The following SIAH2 variants were observed in gnomAD, a reference collection of about 807,000 sequenced individuals.
The protein encoded by SIAH2 is siah E3 ubiquitin protein ligase 2, also known as E3 ubiquitin-protein ligase SIAH2.
A neutral mutation model predicts 20.4 loss-of-function variants in SIAH2; 4 were observed. That is an observed-to-expected ratio of 0.20 (90% CI 0.10 to 0.45). SIAH2 has a LOEUF of 0.45. Ranked by LOEUF, SIAH2 falls within the 20% of genes least tolerant of loss-of-function variation. The pLI, the probability that SIAH2 is intolerant of heterozygous loss-of-function variation, is 0.99. For missense variants in SIAH2, 259 were observed against 440.3 expected, an observed-to-expected ratio of 0.59 and a Z score of 3.69; for synonymous variants, 171 against 192.5, an observed-to-expected ratio of 0.89 and a Z score of 0.93.
chr3:150,746,231 CA>C (rs1450200227), intron 1 of SIAH2, among the ~76,000 whole-genome samples: 4 of 151,968 alleles, frequency 2.6e-5, no homozygotes, highest in African/African-American at 9.7e-5. Context: ...CTGTCACTAC[CA>C]AAAAATATAA....
At position 150,762,926 on chromosome 3, in the gene SIAH2, G is replaced by A. The variant is rs1714660006; in HGVS notation, c.-77C>T. 2.7e-6 allele frequency: 3 copies of A among 1,116,846 alleles called. No homozygotes were observed. The highest frequency in any genetic ancestry group is 5.1e-5 in the East Asian group (1 of 19,752). The allele number at this position is 1,116,846 out of a possible 1,614,324, so 69.2% of individuals were successfully genotyped here. ...CCCGGGTCAAGGCGGTGCGCGCCCC[G>A]CGGGCAGCGAGCTCCGAGGCAACGC... On this transcript the variant is annotated 5_prime_UTR_variant, in exon 1 of 2. Transcript: ENST00000312960. This position sits in a 1 kb window ranked among gnomAD's most constrained non-coding sequence, Gnocchi z 6.6.
chr3:150,757,738 T>C (rs1051879859), intron 1 of SIAH2, among the ~76,000 whole-genome samples: 7 of 152,004 alleles, frequency 4.6e-5, no homozygotes, highest in Non-Finnish European at 1.0e-4. Flanking sequence ...CCCAGCACTT[T>C]GGGGGGCCGA....
At chr3:150,757,633 T>A (rs1148369) in intron 1 of SIAH2, among the ~76,000 whole-genome samples, 1 of 151,600 alleles carries the variant, frequency 6.6e-6, no homozygotes, top group Non-Finnish European at 1.5e-5. Context: ...CAAGTGGTGG[T>A]TATACATGTG....
chr3:150,746,799 A>C (rs1714224118), intron 1 of SIAH2, among the ~76,000 whole-genome samples: 1 of 152,248 alleles, frequency 6.6e-6, no homozygotes, highest in African/African-American at 2.4e-5. Flanking sequence ...CCATGCCAGC[A>C]AGCAGGTCCA....
rs1437499093 is a variant in SIAH2, at chr3:150,742,792, G to A, written c.418-94C>T. 6.6e-6 allele frequency: 7 copies of A among 1,056,916 alleles called. No homozygotes were observed. Among genetic ancestry groups the A allele is most frequent in the African/African-American group, 1.6e-5 (1 of 62,578 alleles). The allele number at this position is 1,056,916 out of a possible 1,614,324, so 65.5% of individuals were successfully genotyped here. A position where few individuals can be genotyped will look rare whatever the true frequency, so the allele number is the denominator to read the frequency against. ...GTACTTAACTACTCCATTTTCCTGG[G>A]CTTAAACTGTGTTCTTAACTACTTT... On this transcript the variant is annotated intron_variant, in intron 1 of 1. Coordinates refer to ENST00000312960, the MANE Select transcript of SIAH2 (RefSeq NM_005067.7). This position sits in a 1 kb window ranked among gnomAD's most constrained non-coding sequence, Gnocchi z 4.8.
At chr3:150,747,648 T>C (rs73008905) in intron 1 of SIAH2, among the ~76,000 whole-genome samples, 21,270 of 151,196 alleles carry the variant, frequency 0.14, 2,930 homozygotes, top group East Asian at 0.37. Flanking sequence ...AAGAAGAAAA[T>C]AGGGAGGTAG....
intron 1 of SIAH2, among the ~76,000 whole-genome samples, chr3:150,747,606 A>G (rs1148368): frequency 0.53 from 80,703 of 151,814 alleles, 25,611 homozygotes; most frequent in Non-Finnish European, 0.69. Context: ...ACATCTCTAA[A>G]GAACACACAC....
intron 1 of SIAH2, among the ~76,000 whole-genome samples, chr3:150,757,639 A>G (rs1714513237): frequency 6.6e-6 from 1 of 151,980 alleles, no homozygotes. Flanking sequence ...GTGGTTATAC[A>G]TGTGAAGTCA....
At chr3:150,756,613 C>T (rs1289102975) in intron 1 of SIAH2, among the ~76,000 whole-genome samples, 4 of 152,224 alleles carry the variant, frequency 2.6e-5, no homozygotes, top group African/African-American at 7.2e-5. Flanking sequence ...TAAGGCTCAA[C>T]TTTCACTGAT....
chr3:150,755,178 G>A (rs575372105), intron 1 of SIAH2, among the ~76,000 whole-genome samples: 2 of 152,218 alleles, frequency 1.3e-5, no homozygotes, highest in East Asian at 1.9e-4. Context: ...GGCCAGATGA[G>A]GGGCTGCCCT....
intron 1 of SIAH2, among the ~76,000 whole-genome samples, chr3:150,757,476 G>A (rs1714507784): frequency 6.6e-6 from 1 of 152,154 alleles, no homozygotes; most frequent in Middle Eastern, 3.4e-3. Context: ...CAACAGTTAG[G>A]GCCTAACAGA....
At position 150,742,745 on chromosome 3, in the gene SIAH2, C is replaced by A. The variant is rs772432383; in HGVS notation, c.418-47G>T. 4 of 1,477,808 alleles carry A rather than the reference C, an allele frequency of 2.7e-6. No individual in the cohort carries two copies. The highest frequency in any genetic ancestry group is 3.6e-6 in the Non-Finnish European group (4 of 1,101,650). 91.5% of individuals were successfully genotyped at this position (1,477,808 alleles called of 1,614,324 possible). A position where few individuals can be genotyped will look rare whatever the true frequency, so the allele number is the denominator to read the frequency against. On this transcript the variant is annotated intron_variant, in intron 1 of 1. Coordinates refer to ENST00000312960, the MANE Select transcript of SIAH2 (RefSeq NM_005067.7). The surrounding 1 kb of genome is among the most constrained non-coding windows in gnomAD (Gnocchi z 4.8). ...GAGCCATTGGGCCTTCTCAAAACTT[C>A]TATTGCTTCAACCCTCTATGAGTAC... is the stretch of plus-strand genomic sequence containing the variant.
At chr3:150,752,691 G>A (rs1353615392) in intron 1 of SIAH2, among the ~76,000 whole-genome samples, 2 of 151,894 alleles carry the variant, frequency 1.3e-5, no homozygotes, top group African/African-American at 4.8e-5. Context: ...ATTCTTCTCC[G>A]GCCCCGCAAG....
chr3:150,747,478 C>G (rs73869293), intron 1 of SIAH2, among the ~76,000 whole-genome samples: 2,087 of 152,294 alleles, frequency 0.014, 57 homozygotes, highest in African/African-American at 0.048. Flanking sequence ...AGAGAAGGCA[C>G]CTGGGCTGGT....
chr3:150,762,710 G>A lies in SIAH2; in HGVS notation c.140C>T (p.Ala47Val). Reference sequence around the variant, plus strand: ...GATCACCGCCGCCGCGGCGGGCACCGCGGACGAGCCGGGGCCCGCAGCCGA... The same window carrying A: ...GATCACCGCCGCCGCGGCGGGCACCACGGACGAGCCGGGGCCCGCAGCCGA... ...TISAAGPGSS[A>V]VPAAAAVISG... Residue 47 changes from alanine (A) to valine (V), a missense_variant, in exon 1 of 2, where the codon GCG becomes GTG. Around this residue, in one of 2 missense-constraint regions of SIAH2, gnomAD observed 99 missense variants for 112.7 expected, o/e 0.88. Coordinates refer to ENST00000312960, the MANE Select transcript of SIAH2 (RefSeq NM_005067.7). The surrounding 1 kb of genome is among the most constrained non-coding windows in gnomAD (Gnocchi z 6.6). The A allele has an allele frequency of 8.1e-7, 1 of 1,232,548 alleles. No individual in the cohort carries two copies. The allele number at this position is 1,232,548 out of a possible 1,614,324, so 76.4% of individuals were successfully genotyped here.
rs1714098337 is a variant in SIAH2 at position 150,742,044 on chromosome 3, T to C, written c.*97A>G. ...ACAAAACACGGGTAATTGTGGGTCC[T>C]GACTTGTGAAGACATATGGAATAAA... On this transcript the variant is annotated 3_prime_UTR_variant, in exon 2 of 2. Transcript: ENST00000312960. The surrounding 1 kb of genome is among the most constrained non-coding windows in gnomAD (Gnocchi z 4.8). 2 of 1,209,226 alleles carry C rather than the reference T, an allele frequency of 1.7e-6. No individual in the cohort carries two copies. Among genetic ancestry groups the C allele is most frequent in the East Asian group, 2.5e-5 (1 of 40,218 alleles). The allele number at this position is 1,209,226 out of a possible 1,614,324, so 74.9% of individuals were successfully genotyped here.
chr3:150,753,470 G>A (rs1714414336), intron 1 of SIAH2, among the ~76,000 whole-genome samples: 1 of 152,162 alleles, frequency 6.6e-6, no homozygotes, highest in Admixed American at 6.5e-5. Flanking sequence ...CCATTCTAAG[G>A]GAGAAAACAA....
intron 1 of SIAH2, among the ~76,000 whole-genome samples, chr3:150,750,361 T>G (rs187624845): frequency 7.5e-4 from 115 of 152,346 alleles, no homozygotes; most frequent in Non-Finnish European, 1.3e-3. Context: ...TGAATAAATG[T>G]TAGATGTATC....
chr3:150,749,361 C>T (rs962684658), intron 1 of SIAH2, among the ~76,000 whole-genome samples: 2 of 151,748 alleles, frequency 1.3e-5, no homozygotes, highest in African/African-American at 4.8e-5. Flanking sequence ...AAAAAATAGC[C>T]AGGCCTTGTG....
Sources: allele counts gnomAD v4.1 joint callset (sites outside exome capture counted in the v4.1 genomes callset), GRCh38; gene constraint gnomAD v4.1.1; regional missense constraint gnomAD v4.1.1; non-coding constraint Gnocchi (gnomAD v3.1); transcripts MANE v1.5; gene names NCBI Gene and HGNC (gene_info 2026-07-23, HGNC 2026-07-21).